The following MIER2 variants were observed in gnomAD, a reference collection of about 807,000 sequenced individuals.
MIER2 encodes the protein mesoderm induction early response protein 2.
In MIER2, 30 loss-of-function variants were observed where a neutral mutation model predicts 67.6. The observed-to-expected ratio is 0.44, with a 90% CI of 0.33 to 0.60. The LOEUF is 0.60. Ranked by LOEUF, MIER2 falls within the 20% of genes least tolerant of loss-of-function variation. The probability of loss-of-function intolerance (pLI) is 0.02; values close to 1 mark genes in which losing one functional copy is unlikely to be tolerated. For synonymous variants in MIER2, 372 were observed against 312.6 expected (o/e 1.19, Z -2.00); for missense variants, 702 against 745.1 (o/e 0.94, Z 0.67).
intron 7 of MIER2, among the ~76,000 whole-genome samples, chr19:320,153 T>A (rs1296860441): frequency 3.3e-5 from 5 of 151,966 alleles, no homozygotes; most frequent in South Asian, 2.1e-4. Flanking sequence ...GGCGGACAGA[T>A]CACTTGAGGC....
intron 7 of MIER2, among the ~76,000 whole-genome samples, chr19:316,355 C>T (rs949904307): frequency 4.6e-5 from 7 of 151,564 alleles, no homozygotes; most frequent in East Asian, 1.9e-4. Flanking sequence ...TGCAGTGGTG[C>T]GATCTTGGCT....
At chr19:319,055 CA>C (rs71171975) in intron 7 of MIER2, among the ~76,000 whole-genome samples, 104 of 129,676 alleles carry the variant, frequency 8.0e-4, no homozygotes, top group Non-Finnish European at 8.3e-4. Flanking sequence ...GACTCTGTCT[CA>C]AAAAAAAAAA....
chr19:331,406 A>G (rs910007158), intron 3 of MIER2, among the ~76,000 whole-genome samples: 1 of 151,570 alleles, frequency 6.6e-6, no homozygotes, highest in Middle Eastern at 3.2e-3. Flanking sequence ...AGTGGCTCAC[A>G]CCTATACTCC....
At chr19:323,260 CA>C (rs1249633780) in intron 7 of MIER2, among the ~76,000 whole-genome samples, 3 of 132,440 alleles carry the variant, frequency 2.3e-5, no homozygotes, top group African/African-American at 5.6e-5. Flanking sequence ...ATGCAATACA[CA>C]AGACACACAC....
At position 327,881 on chromosome 19, in the gene MIER2, C is replaced by G. The variant is rs1231896912; in HGVS notation, c.352G>C (p.Asp118His). The G allele has an allele frequency of 6.2e-7, 1 of 1,612,446 alleles. No homozygotes were observed. Among genetic ancestry groups the G allele is most frequent in the African/African-American group, 1.3e-5 (1 of 74,806 alleles). ...EGGDVAPNLP[D>H]MTLDKEQIAK... ...TCACTTACTTTGTCCAGGGTCATGT[C>G]TGGGAGGTTCGGGGCCACGTCACCA... Residue 118 changes from aspartate (D) to histidine (H), a missense_variant, in exon 4 of 14, where the codon GAC becomes CAC. This residue lies in a region of MIER2 where 320 missense variants were observed against 292.6 expected (regional missense o/e 1.09). Transcript: ENST00000264819.
chr19:311,984 GGCCGC>G, intron 9 of MIER2, 45 bp from the exon 10 acceptor site: 7 of 1,421,444 alleles, frequency 4.9e-6, no homozygotes, highest in East Asian at 4.3e-5. Context: ...CCCAGGGCGG[GGCCGC>G]AGCGGAAGGA....
In MIER2 at chr19:306,653, T is replaced by C. The variant is rs1339406549; in HGVS notation, c.*37A>G. 1.3e-6 allele frequency: 2 copies of C among 1,551,218 alleles called. No homozygotes were observed. The highest frequency in any genetic ancestry group is 3.9e-5 in the Admixed American group (2 of 51,094). On this transcript the variant is annotated 3_prime_UTR_variant, in exon 14 of 14. Transcript: ENST00000264819. ...AGGCGGGCCCAGCGGCAGCGCTAAG[T>C]CCAGTCTGGGCCGCATACGCCGCCC...
intron 1 of MIER2, chr19:344,253 G>A (rs1052168652): frequency 1.0e-5 from 10 of 985,360 alleles, no homozygotes; most frequent in East Asian, 1.1e-4. Context: ...TCCCGCCCGG[G>A]GTCTGACCCA....
chr19:310,339 C>A (rs1221066858), intron 10 of MIER2, among the ~76,000 whole-genome samples: 2 of 152,238 alleles, frequency 1.3e-5, no homozygotes, highest in African/African-American at 2.4e-5. Flanking sequence ...ACCGAGACAA[C>A]CTCCCTGCAG....
chr19:313,655 G>A lies in MIER2; in HGVS notation c.656-12C>T. ...TTCGTTCTCGTAGACTGCACAAGCA[G>A]AGGGCAAAGGTCAGCTTGCAGGAAC... On this transcript the variant is annotated splice_polypyrimidine_tract_variant and intron_variant, in intron 7 of 13. Coordinates refer to ENST00000264819, the MANE Select transcript of MIER2 (RefSeq NM_017550.3). The A allele has an allele frequency of 1.2e-6, 2 of 1,607,016 alleles. No homozygotes were observed.
chr19:334,326 G>T, intron 3 of MIER2, 74 bp downstream of exon 3: 1 of 1,586,198 alleles, frequency 6.3e-7, no homozygotes, highest in South Asian at 1.1e-5. Flanking sequence ...TGGAATCTGA[G>T]CTGCACAAAA....
At chr19:325,132 G>C (rs1271035701) in intron 7 of MIER2, among the ~76,000 whole-genome samples, 1 of 152,250 alleles carries the variant, frequency 6.6e-6, no homozygotes, top group Non-Finnish European at 1.5e-5. Flanking sequence ...CAAGTCAATG[G>C]GCACGTGACT....
chr19:312,194 G>A lies in MIER2; in HGVS notation c.886C>T (p.Arg296Ter). Residue 296 changes from arginine to a stop codon, truncating the protein, a stop_gained, in exon 9 of 14, where the codon CGA becomes TGA. Coordinates refer to ENST00000264819, the MANE Select transcript of MIER2 (RefSeq NM_017550.3). LOFTEE classifies it high-confidence loss of function. ...GAAGGCCCAGACCGCTGCTCACCTCGGATCACCTTCACGTTGAACCGCAGC... is the reference window on the plus strand; with the variant it reads ...GAAGGCCCAGACCGCTGCTCACCTCAGATCACCTTCACGTTGAACCGCAGC... ...RRLRFNVKVIRDGLCAWSEEE... is the reference protein window; with the variant it reads ...RRLRFNVKVI 1.9e-6 allele frequency: 3 copies of A among 1,613,706 alleles called. No individual in the cohort carries two copies. The highest frequency in any genetic ancestry group is 2.5e-6 in the Non-Finnish European group (3 of 1,179,826).
At position 306,490 on chromosome 19, in the gene MIER2, G is replaced by T; in HGVS notation, c.*200C>A. 1 of 716,876 alleles carries T rather than the reference G, an allele frequency of 1.4e-6. No individual in the cohort carries two copies. Among genetic ancestry groups the T allele is most frequent in the East Asian group, 2.7e-5 (1 of 36,772 alleles). The allele number at this position is 716,876 out of a possible 1,614,324, so 44.4% of individuals were successfully genotyped here. A position where few individuals can be genotyped will look rare whatever the true frequency, so the allele number is the denominator to read the frequency against. ...CCGGGCGCTGACGGCGCTGGGTGGG[G>T]CCGTGGGTCCATTCTGTGTGGACAG... On this transcript the variant is annotated 3_prime_UTR_variant, in exon 14 of 14. Coordinates refer to ENST00000264819, the MANE Select transcript of MIER2 (RefSeq NM_017550.3).
At chr19:310,684 C>CGG (rs1970950236) in intron 10 of MIER2, among the ~76,000 whole-genome samples, 11 of 71,392 alleles carry the variant, frequency 1.5e-4, no homozygotes, top group African/African-American at 4.2e-4. Context: ...AAACACAGCC[C>CGG]AGAGCTATAG....
chr19:330,023 T>C (rs1048343280), intron 3 of MIER2, among the ~76,000 whole-genome samples: 61 of 152,098 alleles, frequency 4.0e-4, no homozygotes, highest in African/African-American at 1.2e-3. Flanking sequence ...AGGAACCACA[T>C]GCATGGAACG....
chr19:312,134 G>C (rs554577972), intron 9 of MIER2, 57 bp downstream of exon 9: 24 of 1,178,540 alleles, frequency 2.0e-5, no homozygotes, highest in South Asian at 8.1e-5. Flanking sequence ...CGGGGAGAAC[G>C]GTCAGCAGTG....
chr19:313,218 G>A (rs562144625), intron 8 of MIER2, among the ~76,000 whole-genome samples: 1 of 151,930 alleles, frequency 6.6e-6, no homozygotes, highest in East Asian at 1.9e-4. Flanking sequence ...CCTGGGCGAT[G>A]TCAGGGCCAC....
intron 1 of MIER2, among the ~76,000 whole-genome samples, chr19:339,419 A>T (rs1972402566): frequency 6.6e-6 from 1 of 152,228 alleles, no homozygotes; most frequent in Non-Finnish European, 1.5e-5. Context: ...TAATCAGAGA[A>T]TAAAAACTGT....
Sources: allele counts gnomAD v4.1 joint callset (sites outside exome capture counted in the v4.1 genomes callset), GRCh38; gene constraint gnomAD v4.1.1; regional missense constraint gnomAD v4.1.1; transcripts MANE v1.5; gene names NCBI Gene and HGNC (gene_info 2026-07-23, HGNC 2026-07-21).